USH2A: variants seen among roughly 807,000 people sequenced by gnomAD.
USH2A encodes the protein usherin.
USH2A carries 443 observed loss-of-function variants against 538.9 expected under a neutral mutation model. The ratio of observed to expected loss-of-function variants is 0.82; its 90% CI spans 0.76 to 0.89. The LOEUF (loss-of-function observed/expected upper bound fraction) is 0.89. USH2A is among the 40% of genes least tolerant of loss of function. USH2A has a pLI of 0.00. For missense variants in USH2A, 6,633 were observed against 6,324.8 expected, an observed-to-expected ratio of 1.05 and a Z score of -1.65; for synonymous variants, 2,413 against 2,273.5, an observed-to-expected ratio of 1.06 and a Z score of -1.75.
chr1:216,196,807 G>A, intron 18 of USH2A, 85 bp from the exon 19 acceptor site: 1 of 1,442,082 alleles, frequency 6.9e-7, no homozygotes, highest in Middle Eastern at 1.9e-4. Context: ...CATTCATTTA[G>A]TTTCTGAAAT....
rs1657995337 is a variant in USH2A, at chr1:215,675,561, A to G, written c.12350T>C (p.Phe4117Ser). The change falls in exon 63 of 72, where the codon TTT becomes TCT. Residue 4117 changes from phenylalanine (F) to serine (S), a missense_variant. By Grantham distance (155) the Phe-to-Ser change is radical. Coordinates refer to ENST00000307340, the MANE Select transcript of USH2A (RefSeq NM_206933.4). The stretch of plus-strand genomic sequence containing the variant: ...GAAAGGATCCAGGCGGCGGAAGAGA[A>G]ACTGACGATTCAAACCAGAGTACTC... ...FLEYSGLNRQ[F>S]LFRRLDPFTL... 2 of 1,613,954 alleles carry G rather than the reference A, an allele frequency of 1.2e-6. No homozygotes were observed. Among genetic ancestry groups the G allele is most frequent in the African/African-American group, 2.7e-5 (2 of 74,898 alleles).
At chr1:215,967,461 C>T (rs962345403) in intron 36 of USH2A, among the ~76,000 whole-genome samples, 1 of 152,152 alleles carries the variant, frequency 6.6e-6, no homozygotes, top group Admixed American at 6.6e-5. Context: ...GCCACCATGC[C>T]TGGCCATAAA....
chr1:216,325,524 G>GTGGC lies in USH2A; in HGVS notation c.920_923dup (p.His308GlnfsTer16), dbSNP rs397518043. ...GCTGTGCCAAAGGGTGGACCCGCGG[G>GTGGC]TGGCTGCCAGGGCAACGGCAATGTG... On this transcript the variant is annotated frameshift_variant, in exon 6 of 72. Transcript: ENST00000307340. LOFTEE classifies it high-confidence loss of function. The GTGGC allele has an allele frequency of 1.5e-4, 241 of 1,613,664 alleles. 1 individual carries two copies. Among genetic ancestry groups the GTGGC allele is most frequent in the Non-Finnish European group, 2.0e-4 (234 of 1,179,790 alleles).
chr1:216,018,351 C>G (rs1038805789), intron 32 of USH2A, among the ~76,000 whole-genome samples: 1 of 152,198 alleles, frequency 6.6e-6, no homozygotes, highest in Non-Finnish European at 1.5e-5. Context: ...CAAGCCATTG[C>G]TGCCTTAGGC....
chr1:215,806,383 A>G (rs1279941286), intron 49 of USH2A, among the ~76,000 whole-genome samples: 1 of 152,076 alleles, frequency 6.6e-6, no homozygotes, highest in Non-Finnish European at 1.5e-5. Flanking sequence ...CAGGAGAAGA[A>G]TGCCTGGCCT....
intron 4 of USH2A, among the ~76,000 whole-genome samples, chr1:216,329,220 T>A (rs1356656496): frequency 6.6e-6 from 1 of 152,208 alleles, no homozygotes; most frequent in Non-Finnish European, 1.5e-5. Context: ...ACACAAATTG[T>A]TCTAAAATTT....
chr1:216,047,188 C>A, intron 31 of USH2A, among the ~76,000 whole-genome samples: 1 of 151,832 alleles, frequency 6.6e-6, no homozygotes, highest in Middle Eastern at 3.4e-3. Flanking sequence ...AGAATTACTT[C>A]GTGGATATTT....
chr1:216,220,122 CATT>C (rs2035427737), intron 14 of USH2A, among the ~76,000 whole-genome samples: 2 of 152,166 alleles, frequency 1.3e-5, no homozygotes, highest in South Asian at 4.1e-4. Context: ...TAATGCACAT[CATT>C]GTCAGAAAAT....
chr1:215,715,351 A>G (rs182859595), intron 61 of USH2A, among the ~76,000 whole-genome samples: 1 of 152,330 alleles, frequency 6.6e-6, no homozygotes, highest in Non-Finnish European at 1.5e-5. Flanking sequence ...CAAAAACAAA[A>G]ATACTTCAAA....
intron 70 of USH2A, among the ~76,000 whole-genome samples, chr1:215,632,709 C>T (rs1002134490): frequency 6.6e-6 from 1 of 152,220 alleles, no homozygotes; most frequent in Non-Finnish European, 1.5e-5. Flanking sequence ...CCAGGCTAAA[C>T]AGATCTCTCC....
chr1:215,709,726 G>T (rs1365076670), intron 61 of USH2A, among the ~76,000 whole-genome samples: 1 of 149,476 alleles, frequency 6.7e-6, no homozygotes, highest in African/African-American at 2.5e-5. Flanking sequence ...TGGTAAAAAT[G>T]ATACCTATGG....
At chr1:215,760,813 G>A (rs1015200286) in intron 56 of USH2A, among the ~76,000 whole-genome samples, 16 of 152,156 alleles carry the variant, frequency 1.1e-4, no homozygotes, top group African/African-American at 2.6e-4. Context: ...TCCAAGCCAC[G>A]TTTCTCTCTC....
At chr1:215,753,045 A>G (rs942476661) in intron 58 of USH2A, among the ~76,000 whole-genome samples, 2 of 152,214 alleles carry the variant, frequency 1.3e-5, no homozygotes, top group Non-Finnish European at 2.9e-5. Context: ...ATGCAGCCAA[A>G]AGACACATGA....
intron 4 of USH2A, among the ~76,000 whole-genome samples, chr1:216,355,305 C>CT (rs2038362751): frequency 1.6e-5 from 1 of 64,418 alleles, no homozygotes; most frequent in South Asian, 4.4e-4. Flanking sequence ...GACTCTGCTT[C>CT]AAAAAGAAAG....
Position 216,196,635 on chromosome 1 carries a change from G to A in USH2A, c.4169C>T (p.Thr1390Ile), listed in dbSNP as rs370430107. The part of the protein sequence containing the change: ...ISWEKPADNV[T>I]RGKVVGYDIN... ...GTCATACCCCACAACTTTTCCTCTT[G>A]TAACATTATCTGCTGGCTTCTCCCA... is the stretch of plus-strand genomic sequence containing the variant. Residue 1390 changes from threonine to isoleucine, a missense_variant, in exon 19 of 72, where the codon ACA (threonine) becomes ATA (isoleucine). Thr to Ile is a moderately conservative substitution (Grantham distance 89). Transcript: ENST00000307340. 1.9e-6 allele frequency: 3 copies of A among 1,613,560 alleles called. No individual in the cohort carries two copies. Among genetic ancestry groups the A allele is most frequent in the Non-Finnish European group, 2.5e-6 (3 of 1,179,698 alleles).
intron 62 of USH2A, among the ~76,000 whole-genome samples, chr1:215,679,426 C>T (rs553787716): frequency 3.3e-4 from 50 of 152,230 alleles, no homozygotes; most frequent in Admixed American, 1.2e-3. Context: ...AGATGGACCA[C>T]GGCCAGGAGA....
chr1:216,036,079 G>A (rs2029936968), intron 32 of USH2A, among the ~76,000 whole-genome samples: 1 of 152,092 alleles, frequency 6.6e-6, no homozygotes, highest in South Asian at 2.1e-4. Flanking sequence ...CGTTTTGATG[G>A]TGGTAGATAG....
intron 58 of USH2A, among the ~76,000 whole-genome samples, chr1:215,748,542 C>G (rs1660544791): frequency 1.3e-5 from 2 of 152,190 alleles, no homozygotes; most frequent in Admixed American, 1.3e-4. Context: ...GCTCTGTTTT[C>G]AGACCTCCTG....
intron 47 of USH2A, among the ~76,000 whole-genome samples, chr1:215,830,453 A>AT (rs140564000): frequency 0.014 from 2,175 of 151,438 alleles, 60 homozygotes; most frequent in African/African-American, 0.05. Context: ...AGTCCTTGTT[A>AT]TTTTTTTTTC....
Sources: gnomAD v4.1 joint callset for allele counts (sites outside exome capture counted in the v4.1 genomes callset) on GRCh38, gnomAD v4.1.1 for gene constraint, MANE v1.5 for transcripts, NCBI Gene and HGNC (gene_info 2026-07-23, HGNC 2026-07-21) for gene names.